The following DNAJC6 variants were observed in gnomAD, a reference collection of about 807,000 sequenced individuals.
DNAJC6 encodes the protein auxilin.
Under a neutral mutation model 110.0 loss-of-function variants are expected in DNAJC6, and 34 were observed. That is an observed-to-expected ratio of 0.31 (90% CI 0.24 to 0.41). The LOEUF (loss-of-function observed/expected upper bound fraction) is 0.41, where lower values mean the gene tolerates loss of function less well. Ranked by LOEUF, DNAJC6 falls within the 10% of genes least tolerant of loss-of-function variation. The pLI, the probability that DNAJC6 is intolerant of heterozygous loss-of-function variation, is 1.00. For missense variants in DNAJC6, 1,031 were observed against 1,207.8 expected, an observed-to-expected ratio of 0.85 and a Z score of 2.17; for synonymous variants, 406 against 437.2, an observed-to-expected ratio of 0.93 and a Z score of 0.89.
chr1:65,299,525 C>T (rs1644957961), intron 1 of DNAJC6, among the ~76,000 whole-genome samples: 1 of 152,150 alleles, frequency 6.6e-6, no homozygotes, highest in African/African-American at 2.4e-5. Flanking sequence ...ACACAATAGA[C>T]TGAGCTATGT....
intron 1 of DNAJC6, among the ~76,000 whole-genome samples, chr1:65,300,990 C>T (rs1268473702): frequency 6.6e-6 from 1 of 152,184 alleles, no homozygotes; most frequent in Non-Finnish European, 1.5e-5. Flanking sequence ...ACATAATGGG[C>T]TCAGGGCCAA....
At chr1:65,303,543 C>T (rs10889538) in intron 1 of DNAJC6, among the ~76,000 whole-genome samples, 87,325 of 151,074 alleles carry the variant, frequency 0.58, 25,693 homozygotes, top group East Asian at 0.79. Context: ...TGCTTCCATG[C>T]GCCTCATTTG....
chr1:65,400,498 C>T (rs1303463466), intron 14 of DNAJC6, among the ~76,000 whole-genome samples: 1 of 152,162 alleles, frequency 6.6e-6, no homozygotes, highest in Non-Finnish European at 1.5e-5. Flanking sequence ...TCCAACCACC[C>T]CAGCACCTGG....
rs763007788 is a variant in DNAJC6 at position 65,402,037 on chromosome 1, T to C, written c.2227+157T>C. On this transcript the variant is annotated intron_variant, in intron 15 of 18. Transcript: ENST00000371069. ...CCTCTGAAACCTGAGATTGGCTTTTTAAAAAAGGAAAGCGATAATCAGATG... is the reference window on the plus strand; with the variant it reads ...CCTCTGAAACCTGAGATTGGCTTTTCAAAAAAGGAAAGCGATAATCAGATG... Among the ~76,000 whole-genome samples the C allele has an allele frequency of 1.3e-5, 2 of 152,240 alleles. 1 individual carries two copies. Among genetic ancestry groups the C allele is most frequent in the Non-Finnish European group, 2.9e-5 (2 of 68,034 alleles).
At chr1:65,404,154 G>A (rs1311368782) in intron 15 of DNAJC6, among the ~76,000 whole-genome samples, 1 of 152,210 alleles carries the variant, frequency 6.6e-6, no homozygotes, top group Non-Finnish European at 1.5e-5. Context: ...AATTCATGCT[G>A]CTAGTTATGG....
rs372899868 is a variant in DNAJC6 at position 65,401,107 on chromosome 1, G to A, written c.2108-654G>A. 5.9e-5 allele frequency among the ~76,000 whole-genome samples: 9 copies of A among 152,018 alleles called. No individual in the cohort carries two copies. The East Asian group carries it at 9.7e-4, about 16-fold the overall frequency. On this transcript the variant is annotated intron_variant, in intron 14 of 18. Transcript: ENST00000371069. Reference sequence around the variant, plus strand: ...TTTTATACATCTGTTGGTTTTATACGTCTGTTGGTTTTCTTCTGGTATTCA... The same window carrying A: ...TTTTATACATCTGTTGGTTTTATACATCTGTTGGTTTTCTTCTGGTATTCA...
At chr1:65,367,191 T>C (rs1570333552) in intron 4 of DNAJC6, among the ~76,000 whole-genome samples, 2 of 152,272 alleles carry the variant, frequency 1.3e-5, no homozygotes, top group South Asian at 4.1e-4. Context: ...GGAGGGCTTG[T>C]TAAACACAGA....
intron 1 of DNAJC6, among the ~76,000 whole-genome samples, chr1:65,362,452 C>T (rs1645607082): frequency 2.6e-5 from 4 of 152,112 alleles, no homozygotes; most frequent in African/African-American, 7.2e-5. Context: ...CTTTTGTCAT[C>T]ATATAGTTGG....
At chr1:65,335,107 TC>T (rs1414846417) in intron 1 of DNAJC6, among the ~76,000 whole-genome samples, 1 of 143,288 alleles carries the variant, frequency 7.0e-6, no homozygotes, top group Admixed American at 7.0e-5. Flanking sequence ...ACTATGTCTG[TC>T]TTTTTTTTTT....
At chr1:65,335,109 T>A (rs1165580118) in intron 1 of DNAJC6, among the ~76,000 whole-genome samples, 1 of 93,234 alleles carries the variant, frequency 1.1e-5, no homozygotes, top group Admixed American at 1.1e-4. Flanking sequence ...TATGTCTGTC[T>A]TTTTTTTTTT....
Position 65,392,405 on chromosome 1 carries a change from T to C in DNAJC6, c.1469-26T>C, listed in dbSNP as rs6588144. On this transcript the variant is annotated intron_variant, in intron 11 of 18. Coordinates refer to ENST00000371069, the MANE Select transcript of DNAJC6 (RefSeq NM_001256864.2). ...ACAATGCTGTGGTCAGCAACTAATC[T>C]CTTATGGTATACTGGCCTTCCTCAG... The C allele has an allele frequency of 0.53, 815,719 of 1,538,722 alleles. 220,535 individuals carry two copies. The highest frequency in any genetic ancestry group is 0.59 in the Middle Eastern group (3,133 of 5,310).
At chr1:65,400,334 C>A (rs1469187790) in intron 14 of DNAJC6, among the ~76,000 whole-genome samples, 1 of 152,172 alleles carries the variant, frequency 6.6e-6, no homozygotes, top group East Asian at 1.9e-4. Flanking sequence ...GTGGTGAGAA[C>A]ATTTAACATC....
At chr1:65,398,104 C>T (rs1645996752) in intron 13 of DNAJC6, among the ~76,000 whole-genome samples, 1 of 152,148 alleles carries the variant, frequency 6.6e-6, no homozygotes, top group Non-Finnish European at 1.5e-5. Context: ...CACATGTATT[C>T]CTCTAGTACA....
chr1:65,351,772 T>A (rs1042884532), intron 1 of DNAJC6, among the ~76,000 whole-genome samples: 4 of 152,244 alleles, frequency 2.6e-5, no homozygotes, highest in East Asian at 3.9e-4. Context: ...TATATATATT[T>A]TTTTTTTCTT....
chr1:65,298,905 C>T (rs942603700), intron 1 of DNAJC6: 1 of 152,208 alleles, frequency 6.6e-6, no homozygotes, highest in African/African-American at 2.4e-5. Flanking sequence ...AATGCTCCAA[C>T]AATATGAAAT....
intron 5 of DNAJC6, 111 bp downstream of exon 5, chr1:65,379,635 C>A: frequency 7.1e-7 from 1 of 1,416,582 alleles, no homozygotes; most frequent in Non-Finnish European, 9.5e-7. Context: ...TTACTGAGCC[C>A]ATATTTAGGA....
intron 12 of DNAJC6, among the ~76,000 whole-genome samples, chr1:65,393,569 T>C (rs1645949683): frequency 1.3e-5 from 2 of 152,214 alleles, no homozygotes; most frequent in African/African-American, 2.4e-5. Flanking sequence ...TTTGAGCCCC[T>C]TGAGGCTCTG....
Position 65,404,995 on chromosome 1 carries a change from T to C in DNAJC6, c.2228-875T>C, listed in dbSNP as rs558953212. Among the ~76,000 whole-genome samples the C allele has an allele frequency of 7.8e-4, 119 of 152,282 alleles. No homozygotes were observed. The Middle Eastern group carries it at 0.01, about 13-fold the overall frequency. The stretch of plus-strand genomic sequence containing the variant: ...TAACTCTAAAGAGCTATATAAATAT[T>C]AGTTATTTTATTATTGTTACTTTAG... On this transcript the variant is annotated intron_variant, in intron 15 of 18. Transcript: ENST00000371069.
Position 65,364,919 on chromosome 1 carries a change from A to G in DNAJC6, c.344+134A>G, listed in dbSNP as rs1645631903. ...TTTATGGGATCTGATGAACTGAGAA[A>G]TGTCATTGAAGACATAAAGTTAAGT... On this transcript the variant is annotated intron_variant, in intron 2 of 18. Transcript: ENST00000371069. The G allele has an allele frequency of 1.6e-6, 2 of 1,274,950 alleles. 1 individual carries two copies. Among genetic ancestry groups the G allele is most frequent in the South Asian group, 2.9e-5 (2 of 68,214 alleles). The allele number at this position is 1,274,950 out of a possible 1,614,324, so 79.0% of individuals were successfully genotyped here. A position where few individuals can be genotyped will look rare whatever the true frequency, so the allele number is the denominator to read the frequency against.
Sources: allele counts gnomAD v4.1 joint callset (sites outside exome capture counted in the v4.1 genomes callset), GRCh38; gene constraint gnomAD v4.1.1; transcripts MANE v1.5; gene names NCBI Gene and HGNC (gene_info 2026-07-23, HGNC 2026-07-21).